Variants in PCCA observed in about 807,000 individuals in gnomAD.
PCCA encodes the protein propionyl-CoA carboxylase subunit alpha.
A neutral mutation model predicts 101.3 loss-of-function variants in PCCA; 74 were observed. That is an observed-to-expected ratio of 0.73 (90% CI 0.61 to 0.89). PCCA has a LOEUF of 0.89. Among genes scored for constraint, PCCA ranks in the 40% least tolerant of loss-of-function variants. The probability of loss-of-function intolerance (pLI) is 0.00; values close to 1 mark genes in which losing one functional copy is unlikely to be tolerated. For missense variants in PCCA, 891 were observed against 907.0 expected, an observed-to-expected ratio of 0.98 and a Z score of 0.23; for synonymous variants, 294 against 313.6, an observed-to-expected ratio of 0.94 and a Z score of 0.66.
At chr13:100,145,807 A>AGCT (rs1395180880) in intron 4 of PCCA, among the ~76,000 whole-genome samples, 3 of 151,156 alleles carry the variant, frequency 2.0e-5, no homozygotes, top group African/African-American at 7.3e-5. Context: ...GGTTGCGGTG[A>AGCT]GCCAAGATTG....
chr13:100,410,150 T>C (rs1413918327), intron 19 of PCCA, among the ~76,000 whole-genome samples: 1 of 152,244 alleles, frequency 6.6e-6, no homozygotes, highest in African/African-American at 2.4e-5. Flanking sequence ...TGGGATTCTT[T>C]GGTACAAAAC....
At chr13:100,294,901 A>C (rs959467790) in intron 12 of PCCA, among the ~76,000 whole-genome samples, 1 of 152,180 alleles carries the variant, frequency 6.6e-6, no homozygotes, top group Non-Finnish European at 1.5e-5. Flanking sequence ...TATCAGAGAA[A>C]AGGGGAGAAA....
intron 7 of PCCA, among the ~76,000 whole-genome samples, chr13:100,216,233 G>T (rs184924861): frequency 8.7e-4 from 133 of 152,288 alleles, no homozygotes; most frequent in African/African-American, 3.2e-3. Flanking sequence ...CTGGAGAAGA[G>T]CAAAGCATAT....
At chr13:100,279,642 A>T (rs990191997) in intron 12 of PCCA, among the ~76,000 whole-genome samples, 8 of 152,042 alleles carry the variant, frequency 5.3e-5, no homozygotes, top group Admixed American at 3.3e-4. Flanking sequence ...CGCCTAGCTA[A>T]TTTTTGTTTT....
intron 8 of PCCA, among the ~76,000 whole-genome samples, chr13:100,242,901 G>A (rs2061230914): frequency 6.6e-6 from 1 of 151,808 alleles, no homozygotes; most frequent in South Asian, 2.1e-4. Flanking sequence ...TTGTTGTGGT[G>A]GTGGTTGTTT....
At chr13:100,265,470 T>C (rs1190506968) in intron 10 of PCCA, among the ~76,000 whole-genome samples, 1 of 152,170 alleles carries the variant, frequency 6.6e-6, no homozygotes, top group African/African-American at 2.4e-5. Flanking sequence ...TCTAAATGTA[T>C]TGTTTTTCTG....
chr13:100,211,697 C>G (rs2059221294), intron 7 of PCCA, among the ~76,000 whole-genome samples: 1 of 152,076 alleles, frequency 6.6e-6, no homozygotes, highest in Non-Finnish European at 1.5e-5. Context: ...GGCAATCTTA[C>G]TTTTTTTCAT....
intron 6 of PCCA, among the ~76,000 whole-genome samples, chr13:100,168,092 A>T (rs1394250190): frequency 6.6e-6 from 1 of 152,134 alleles, no homozygotes; most frequent in African/African-American, 2.4e-5. Context: ...AGTTGAACAC[A>T]TATGCCACCT....
chr13:100,493,965 C>G (rs1171783706), intron 21 of PCCA, among the ~76,000 whole-genome samples: 1 of 151,190 alleles, frequency 6.6e-6, no homozygotes, highest in Non-Finnish European at 1.5e-5. Flanking sequence ...CCGAGGTGGG[C>G]AGATTACGAG....
At chr13:100,420,194 CAAAATGTCA>C (rs2078655783) in intron 19 of PCCA, among the ~76,000 whole-genome samples, 1 of 152,104 alleles carries the variant, frequency 6.6e-6, no homozygotes, top group Non-Finnish European at 1.5e-5. Context: ...CAATTAAAGG[CAAAATGTCA>C]AAAAGTTCTA....
At chr13:100,236,672 G>C (rs949517236) in intron 8 of PCCA, 2 of 152,042 alleles carry the variant, frequency 1.3e-5, no homozygotes, top group Non-Finnish European at 2.9e-5. Flanking sequence ...ATGTTGGCCA[G>C]GCTGGTCTCG....
At position 100,527,703 on chromosome 13, in the gene PCCA, T is replaced by C. The variant is rs376535469; in HGVS notation, c.2069T>C (p.Ile690Thr). Residue 690 changes from isoleucine to threonine, a missense_variant, in exon 23 of 24, where the codon ATT (isoleucine) becomes ACT (threonine). Physicochemically the swap from Ile to Thr is moderately conservative, Grantham distance 89 (BLOSUM62 -1). Coordinates refer to ENST00000376285, the MANE Select transcript of PCCA (RefSeq NM_000282.4). Reference sequence around the variant, plus strand: ...GCAGAAGGTCAAGAAATTTGTGTGATTGAAGCCATGAAAATGCAGAATAGT... The same window carrying C: ...GCAGAAGGTCAAGAAATTTGTGTGACTGAAGCCATGAAAATGCAGAATAGT... Reference protein sequence around the residue: ...AVAEGQEICVIEAMKMQNSMT... With the variant: ...AVAEGQEICVTEAMKMQNSMT... 3.9e-5 allele frequency: 63 copies of C among 1,613,976 alleles called. No individual in the cohort carries two copies. The highest frequency in any genetic ancestry group is 4.7e-5 in the Non-Finnish European group (56 of 1,179,944).
chr13:100,133,224 T>C (rs2050736152), intron 4 of PCCA, among the ~76,000 whole-genome samples: 2 of 152,206 alleles, frequency 1.3e-5, no homozygotes, highest in African/African-American at 2.4e-5. Flanking sequence ...GCTTTGCCTG[T>C]TTTTTAATTC....
intron 9 of PCCA, among the ~76,000 whole-genome samples, chr13:100,259,493 C>G (rs1868920279): frequency 6.6e-6 from 1 of 151,868 alleles, no homozygotes. Flanking sequence ...CGCCACCACA[C>G]CCAGCTAATT....
chr13:100,273,163 G>A (rs756369933), intron 11 of PCCA, 33 bp from the exon 12 acceptor site: 8 of 1,584,986 alleles, frequency 5.0e-6, no homozygotes, highest in East Asian at 2.2e-5. Flanking sequence ...ATTTTTGTCC[G>A]AAATGTAGAC....
Position 100,106,194 on chromosome 13 carries a change from C to T in PCCA, c.183+3234C>T, listed in dbSNP as rs556830359. Reference sequence around the variant, plus strand: ...CAGTCTTTTGGAGCCTTACAAAGTACAGGAAGTTAAGATTCCACTGAACTT... The same window carrying T: ...CAGTCTTTTGGAGCCTTACAAAGTATAGGAAGTTAAGATTCCACTGAACTT... On this transcript the variant is annotated intron_variant, in intron 2 of 23. Coordinates refer to ENST00000376285, the MANE Select transcript of PCCA (RefSeq NM_000282.4). Among the ~76,000 whole-genome samples, 9 of 152,102 alleles carry T rather than the reference C, an allele frequency of 5.9e-5. No individual in the cohort carries two copies. The East Asian group carries it at 1.5e-3, about 26-fold the overall frequency.
At position 100,257,658 on chromosome 13, in the gene PCCA, A is replaced by G. The variant is rs1230003941; in HGVS notation, c.701A>G (p.Asp234Gly). ...GGGAAAGGCATGCGCATTGCTTGGG[A>G]TGATGAAGAGACCAGGTGAGAGGCT... ...GGGKGMRIAW[D>G]DEETRDGFRL... Residue 234 changes from aspartate to glycine, a missense_variant, in exon 9 of 24, where the codon GAT becomes GGT. Asp to Gly is a moderately conservative substitution (Grantham distance 94). Transcript: ENST00000376285. The G allele has an allele frequency of 3.1e-6, 5 of 1,613,210 alleles. No homozygotes were observed. The highest frequency in any genetic ancestry group is 1.7e-5 in the Admixed American group (1 of 60,002).
At chr13:100,128,527 G>T (rs185534370) in intron 4 of PCCA, among the ~76,000 whole-genome samples, 120 of 152,296 alleles carry the variant, frequency 7.9e-4, no homozygotes, top group African/African-American at 2.6e-3. Flanking sequence ...GGTGCTCAGG[G>T]AAAGTCTTGC....
intron 4 of PCCA, among the ~76,000 whole-genome samples, chr13:100,132,056 G>A (rs996060851): frequency 1.3e-5 from 2 of 152,098 alleles, no homozygotes; most frequent in Admixed American, 6.6e-5. Flanking sequence ...ATAGAGCTTG[G>A]TAATTTCCAG....
Sources: allele counts gnomAD v4.1 joint callset (sites outside exome capture counted in the v4.1 genomes callset), GRCh38; gene constraint gnomAD v4.1.1; transcripts MANE v1.5; gene names NCBI Gene and HGNC (gene_info 2026-07-23, HGNC 2026-07-21).